The following MACF1 variants were observed in gnomAD, a reference collection of about 807,000 sequenced individuals.
MACF1 encodes microtubule-actin cross-linking factor 1.
MACF1 carries 193 observed loss-of-function variants against 854.8 expected under a neutral mutation model. The ratio of observed to expected loss-of-function variants is 0.23; its 90% CI spans 0.20 to 0.25. MACF1 has a LOEUF of 0.25. MACF1 is among the 10% of genes least tolerant of loss of function. The probability of loss-of-function intolerance (pLI) is 1.00; values close to 1 mark genes in which losing one functional copy is unlikely to be tolerated. For synonymous variants in MACF1, 3,185 were observed against 3,226.7 expected (o/e 0.99, Z 0.44); for missense variants, 7,722 against 8,929.1 (o/e 0.86, Z 5.45).
At chr1:39,410,569 C>G (rs765227598) in intron 58 of MACF1, 4 of 1,614,038 alleles carry the variant, frequency 2.5e-6, no homozygotes, top group Non-Finnish European at 3.4e-6. Context: ...ATTTGATGCA[C>G]TAAAGCTAAG....
intron 58 of MACF1, chr1:39,414,006 A>G: frequency 6.2e-7 from 1 of 1,608,318 alleles, no homozygotes; most frequent in South Asian, 1.1e-5. Flanking sequence ...CAGCAGCAGC[A>G]GTGCCCACCC....
intron 28 of MACF1, 33 bp from the exon 29 acceptor site, chr1:39,317,180 TA>T (rs1301204677): frequency 6.2e-7 from 1 of 1,601,236 alleles, no homozygotes; most frequent in Non-Finnish European, 8.5e-7. Context: ...GCATGGAAAG[TA>T]TACAACCTGT....
chr1:39,265,026 G>A (rs1645214542), intron 6 of MACF1, among the ~76,000 whole-genome samples: 1 of 152,170 alleles, frequency 6.6e-6, no homozygotes, highest in Non-Finnish European at 1.5e-5. Context: ...TATAGGTTAA[G>A]ATTTATAGTT....
intron 2 of MACF1, among the ~76,000 whole-genome samples, chr1:39,102,248 T>C (rs1358054454): frequency 6.6e-6 from 1 of 151,664 alleles, no homozygotes; most frequent in African/African-American, 2.4e-5. Flanking sequence ...AAAGACGAAA[T>C]AGTTAATGAG....
chr1:39,378,554 G>C lies in MACF1; in HGVS notation c.13276+31G>C, dbSNP rs1353575800. Reference sequence around the variant, plus strand: ...AATGCCATTTCAACAGTGCTTCTTTGTTGGATGTGTTAGGACAGTGTCTAT... The same window carrying C: ...AATGCCATTTCAACAGTGCTTCTTTCTTGGATGTGTTAGGACAGTGTCTAT... On this transcript the variant is annotated intron_variant, in intron 53 of 100. Coordinates refer to ENST00000564288, the MANE Select transcript of MACF1 (RefSeq NM_001394062.1). 1.9e-6 allele frequency: 3 copies of C among 1,595,464 alleles called. No individual in the cohort carries two copies. In the East Asian group the frequency reaches 6.7e-5, roughly 36 times the overall value.
intron 21 of MACF1, chr1:39,299,106 A>G (rs1425134729): frequency 2.5e-6 from 1 of 401,398 alleles, no homozygotes; most frequent in Non-Finnish European, 4.9e-6. Flanking sequence ...GGTTAGACAG[A>G]AATTGACATC....
At chr1:39,229,531 C>T (rs1644755652) in intron 1 of MACF1, among the ~76,000 whole-genome samples, 1 of 152,094 alleles carries the variant, frequency 6.6e-6, no homozygotes, top group Non-Finnish European at 1.5e-5. Context: ...ATTTATATAC[C>T]TCTGCAACTT....
At chr1:39,436,286 A>G (rs1049487759) in intron 70 of MACF1, among the ~76,000 whole-genome samples, 4 of 152,174 alleles carry the variant, frequency 2.6e-5, no homozygotes, top group African/African-American at 9.7e-5. Flanking sequence ...TACTGTTGTC[A>G]TGTCTGGGTA....
At chr1:39,294,814 C>G (rs1011578816) in intron 18 of MACF1, among the ~76,000 whole-genome samples, 3 of 152,192 alleles carry the variant, frequency 2.0e-5, no homozygotes, top group African/African-American at 7.2e-5. Flanking sequence ...CTGTGTTCCC[C>G]CATTTTACTC....
rs907364254 is a variant in MACF1, at chr1:39,417,731, T to A, written c.15817-4643T>A. 2.0e-3 allele frequency among the ~76,000 whole-genome samples: 220 copies of A among 108,074 alleles called. 3 individuals are homozygous for A. The highest frequency in any genetic ancestry group is 9.0e-3 in the South Asian group (28 of 3,112). 70.9% of individuals were successfully genotyped at this position (108,074 alleles called of 152,430 possible). Reference sequence around the variant, plus strand: ...CCAGTTAATTTTTTTTTTTTTTTTTTTTTTTTTTTTTTTTTTTTGGATTTT... The same window carrying A: ...CCAGTTAATTTTTTTTTTTTTTTTTATTTTTTTTTTTTTTTTTTGGATTTT... On this transcript the variant is annotated intron_variant, in intron 58 of 100. Coordinates refer to ENST00000564288, the MANE Select transcript of MACF1 (RefSeq NM_001394062.1).
At chr1:39,401,713 C>T (rs1642482589) in intron 58 of MACF1, among the ~76,000 whole-genome samples, 1 of 152,162 alleles carries the variant, frequency 6.6e-6, no homozygotes, top group South Asian at 2.1e-4. Flanking sequence ...TTGTATTTAT[C>T]AAGTGAACCA....
chr1:39,411,108 A>G, intron 58 of MACF1: 1 of 1,613,600 alleles, frequency 6.2e-7, no homozygotes, highest in Non-Finnish European at 8.5e-7. Context: ...TTGGGGACAC[A>G]GCCTGCACTG....
chr1:39,484,026 G>C (rs1363455056), intron 99 of MACF1, among the ~76,000 whole-genome samples: 1 of 152,212 alleles, frequency 6.6e-6, no homozygotes, highest in African/African-American at 2.4e-5. Context: ...GGTGGCGGGT[G>C]CCTGTAGTCC....
At chr1:39,484,894 T>A in intron 100 of MACF1, 164 bp downstream of exon 100, 1 of 747,872 alleles carries the variant, frequency 1.3e-6, no homozygotes, top group Non-Finnish European at 2.3e-6. Context: ...ACTTTTTCTG[T>A]CATTACAGCT....
chr1:39,136,770 A>T (rs1056529140), intron 2 of MACF1, among the ~76,000 whole-genome samples: 1 of 152,214 alleles, frequency 6.6e-6, no homozygotes, highest in African/African-American at 2.4e-5. Flanking sequence ...ATATGTACAT[A>T]TTACTAAAGA....
At chr1:39,194,213 T>G (rs1443976036) in intron 2 of MACF1, among the ~76,000 whole-genome samples, 1 of 152,174 alleles carries the variant, frequency 6.6e-6, no homozygotes, top group Non-Finnish European at 1.5e-5. Context: ...ACTTTCCCTT[T>G]TCTTTCTTAA....
At chr1:39,244,806 T>G (rs1360996030) in intron 2 of MACF1, among the ~76,000 whole-genome samples, 2 of 152,124 alleles carry the variant, frequency 1.3e-5, no homozygotes, top group African/African-American at 2.4e-5. Flanking sequence ...CTCAAACTCC[T>G]GACCTCAGGT....
chr1:39,273,927 G>A (rs1259403128), intron 6 of MACF1, among the ~76,000 whole-genome samples: 1 of 152,120 alleles, frequency 6.6e-6, no homozygotes, highest in African/African-American at 2.4e-5. Flanking sequence ...AATTAAAAAT[G>A]TTACTAAAGA....
chr1:39,122,378 C>T (rs971511880), intron 2 of MACF1, among the ~76,000 whole-genome samples: 11 of 151,808 alleles, frequency 7.2e-5, no homozygotes, highest in African/African-American at 2.4e-4. Context: ...CTCAGCCTCC[C>T]GAGTAGCTGT....
Sources: gnomAD v4.1 joint callset for allele counts (sites outside exome capture counted in the v4.1 genomes callset) on GRCh38, gnomAD v4.1.1 for gene constraint, MANE v1.5 for transcripts, NCBI Gene and HGNC (gene_info 2026-07-23, HGNC 2026-07-21) for gene names.